Variants in C7orf33 observed in about 807,000 individuals in gnomAD.
The protein encoded by C7orf33 is chromosome 7 open reading frame 33, also known as uncharacterized protein C7orf33.
In C7orf33, 15 loss-of-function variants were observed where a neutral mutation model predicts 13.4. That is an observed-to-expected ratio of 1.12 (90% confidence interval 0.75 to 1.72). The LOEUF (loss-of-function observed/expected upper bound fraction) is 1.72. Ranked by LOEUF, C7orf33 falls within the 40% of genes most tolerant of loss-of-function variation. The probability of loss-of-function intolerance (pLI) is 0.00; values close to 1 mark genes in which losing one functional copy is unlikely to be tolerated. For synonymous variants in C7orf33, 73 were observed against 83.2 expected (o/e 0.88, Z 0.67); for missense variants, 187 against 220.3 (o/e 0.85, Z 0.96).
intron 1 of C7orf33, among the ~76,000 whole-genome samples, chr7:148,597,185 T>C (rs1353841470): frequency 5.3e-5 from 8 of 151,492 alleles, no homozygotes; most frequent in Admixed American, 3.3e-4. Context: ...TATATATATA[T>C]ACACATATAT....
At position 148,615,448 on chromosome 7, in the gene C7orf33, G is replaced by T. The variant is rs775082238; in HGVS notation, c.*47G>T. The T allele has an allele frequency of 8.6e-7, 1 of 1,158,060 alleles. No homozygotes were observed. The highest frequency in any genetic ancestry group is 1.5e-5 in the African/African-American group (1 of 64,906). The allele number at this position is 1,158,060 out of a possible 1,614,324, so 71.7% of individuals were successfully genotyped here. A position where few individuals can be genotyped will look rare whatever the true frequency, so the allele number is the denominator to read the frequency against. ...TCACATCTCTAAATTTGTGTAGATT[G>T]TGAAATCTCTTCTTGCAAGAAAAAA... On this transcript the variant is annotated 3_prime_UTR_variant, in exon 3 of 3. Coordinates refer to ENST00000307003, the MANE Select transcript of C7orf33 (RefSeq NM_145304.4).
intron 1 of C7orf33, among the ~76,000 whole-genome samples, chr7:148,592,489 A>C (rs1333729745): frequency 6.6e-6 from 1 of 151,894 alleles, no homozygotes; most frequent in East Asian, 1.9e-4. Context: ...CCACAAGTGC[A>C]TGGGTGGAGC....
chr7:148,596,083 C>T (rs901149799), intron 1 of C7orf33, among the ~76,000 whole-genome samples: 5 of 151,780 alleles, frequency 3.3e-5, no homozygotes, highest in Non-Finnish European at 7.4e-5. Context: ...ATGCAGAGTT[C>T]GTGTTTTAAA....
rs999092295 is a variant in C7orf33 at position 148,615,508 on chromosome 7, T to A, written c.*107T>A. ...CTGAAGTTCTGGAAATAACAGTTGA[T>A]GAAAACTTGGTAATCTGAAGTCTGA... On this transcript the variant is annotated 3_prime_UTR_variant, in exon 3 of 3. Coordinates refer to ENST00000307003, the MANE Select transcript of C7orf33 (RefSeq NM_145304.4). 2.7e-5 allele frequency: 20 copies of A among 734,308 alleles called. No homozygotes were observed. The African/African-American group carries it at 3.2e-4, about 12-fold the overall frequency. 45.5% of individuals were successfully genotyped at this position (734,308 alleles called of 1,614,324 possible).
At chr7:148,599,695 G>T (rs962283557) in intron 1 of C7orf33, among the ~76,000 whole-genome samples, 2 of 151,754 alleles carry the variant, frequency 1.3e-5, no homozygotes, top group Non-Finnish European at 2.9e-5. Context: ...GGCTGGTCTC[G>T]AAATCCTGAC....
Position 148,615,846 on chromosome 7 carries a change from T to A in C7orf33, c.*445T>A, listed in dbSNP as rs1224861127. On this transcript the variant is annotated 3_prime_UTR_variant, in exon 3 of 3. Transcript: ENST00000307003. ...AAGTAAAACATGCATTCAGTAAAAC[T>A]CGCGATGAAACTTATCTCATTGTGT... 6.4e-6 allele frequency: 1 copy of A among 155,952 alleles called. No individual in the cohort carries two copies. Among genetic ancestry groups the A allele is most frequent in the African/African-American group, 2.4e-5 (1 of 41,530 alleles). 9.7% of individuals were successfully genotyped at this position (155,952 alleles called of 1,614,324 possible). A position where few individuals can be genotyped will look rare whatever the true frequency, so the allele number is the denominator to read the frequency against.
At chr7:148,600,452 C>T (rs1796399050) in intron 1 of C7orf33, among the ~76,000 whole-genome samples, 2 of 151,998 alleles carry the variant, frequency 1.3e-5, no homozygotes, top group Non-Finnish European at 2.9e-5. Flanking sequence ...GCCTGGGTGA[C>T]AGAGCAAGAC....
chr7:148,608,220 G>A (rs1796495783), intron 1 of C7orf33, among the ~76,000 whole-genome samples: 1 of 152,218 alleles, frequency 6.6e-6, no homozygotes, highest in Non-Finnish European at 1.5e-5. Context: ...ACGAGGTCAA[G>A]ATGTCAAGAC....
intron 1 of C7orf33, among the ~76,000 whole-genome samples, chr7:148,604,950 G>A (rs1796457309): frequency 6.6e-6 from 1 of 152,152 alleles, no homozygotes; most frequent in South Asian, 2.1e-4. Flanking sequence ...TCCTAATAGA[G>A]GCTGAACACG....
At chr7:148,596,225 C>T (rs888555631) in intron 1 of C7orf33, among the ~76,000 whole-genome samples, 1 of 152,206 alleles carries the variant, frequency 6.6e-6, no homozygotes, top group Non-Finnish European at 1.5e-5. Flanking sequence ...TGCCCTCACA[C>T]ATGCACAACC....
chr7:148,599,566 C>T (rs1040377774), intron 1 of C7orf33, among the ~76,000 whole-genome samples: 2 of 151,252 alleles, frequency 1.3e-5, no homozygotes, highest in Admixed American at 6.6e-5. Context: ...CTCCACCTCC[C>T]GGGTTCAAGC....
intron 1 of C7orf33, among the ~76,000 whole-genome samples, chr7:148,613,043 C>T (rs1269682725): frequency 6.6e-6 from 1 of 152,014 alleles, no homozygotes; most frequent in Non-Finnish European, 1.5e-5. Flanking sequence ...GAATAAATTA[C>T]AGTTAACCAT....
intron 1 of C7orf33, among the ~76,000 whole-genome samples, chr7:148,595,766 T>C (rs1356815774): frequency 6.9e-6 from 1 of 144,836 alleles, no homozygotes; most frequent in Non-Finnish European, 1.5e-5. Context: ...TATATATATC[T>C]ATATCTCAAG....
intron 2 of C7orf33, 21 bp from the exon 3 acceptor site, chr7:148,615,306 G>T (rs560352721): frequency 6.5e-7 from 1 of 1,545,154 alleles, no homozygotes; most frequent in South Asian, 1.1e-5. Context: ...GATAACAGAA[G>T]TCTTCGTAAT....
intron 1 of C7orf33, among the ~76,000 whole-genome samples, chr7:148,592,489 A>G (rs1333729745): frequency 2.6e-5 from 4 of 151,894 alleles, no homozygotes; most frequent in African/African-American, 4.8e-5. Flanking sequence ...CCACAAGTGC[A>G]TGGGTGGAGC....
At chr7:148,595,139 G>A (rs1026983813) in intron 1 of C7orf33, among the ~76,000 whole-genome samples, 3 of 150,796 alleles carry the variant, frequency 2.0e-5, no homozygotes, top group Non-Finnish European at 3.0e-5. Flanking sequence ...GCACATTCAC[G>A]GCTCACTGCA....
intron 1 of C7orf33, among the ~76,000 whole-genome samples, chr7:148,613,228 A>G (rs1796565114): frequency 6.6e-6 from 1 of 152,172 alleles, no homozygotes; most frequent in Admixed American, 6.5e-5. Context: ...TAGCTTCCAC[A>G]TATAAAGGGA....
rs1313912754 is a variant in C7orf33, at chr7:148,595,409, G to C, written c.204+4280G>C. 7.2e-5 allele frequency among the ~76,000 whole-genome samples: 8 copies of C among 110,400 alleles called. No homozygotes were observed. The East Asian group carries it at 2.2e-3, about 30-fold the overall frequency. The allele number at this position is 110,400 out of a possible 152,430, so 72.4% of individuals were successfully genotyped here. On this transcript the variant is annotated intron_variant, in intron 1 of 2. Coordinates refer to ENST00000307003, the MANE Select transcript of C7orf33 (RefSeq NM_145304.4). ...ATATAGATATATCATAGATAATATA[G>C]ATCTATATTATATAGATATATCTAT...
chr7:148,615,284 A>T (rs971641430), intron 2 of C7orf33, 43 bp from the exon 3 acceptor site: 12 of 1,316,860 alleles, frequency 9.1e-6, no homozygotes, highest in Non-Finnish European at 1.3e-5. Flanking sequence ...GGGAAAAGGT[A>T]AATCATCCTG....
Sources: gnomAD v4.1 joint callset for allele counts (sites outside exome capture counted in the v4.1 genomes callset) on GRCh38, gnomAD v4.1.1 for gene constraint, MANE v1.5 for transcripts, NCBI Gene and HGNC (gene_info 2026-07-23, HGNC 2026-07-21) for gene names.